DOCK3: variants seen among roughly 807,000 people sequenced by gnomAD.
DOCK3 encodes the protein dedicator of cytokinesis protein 3.
A neutral mutation model predicts 265.6 loss-of-function variants in DOCK3; 60 were observed. That is an observed-to-expected ratio of 0.23 (90% CI 0.18 to 0.28). DOCK3 has a LOEUF of 0.28. Ranked by LOEUF, DOCK3 falls within the 10% of genes least tolerant of loss-of-function variation. The pLI is 1.00. For missense variants in DOCK3, 1,981 were observed against 2,594.3 expected (o/e 0.76, Z 5.14); for synonymous variants, 881 against 938.0 (o/e 0.94, Z 1.11).
chr3:51,247,758 G>A (rs1172350354), intron 22 of DOCK3, among the ~76,000 whole-genome samples: 2 of 152,144 alleles, frequency 1.3e-5, no homozygotes, highest in African/African-American at 4.8e-5. Context: ...AAGATGCAAC[G>A]ATGAATAAGA....
intron 5 of DOCK3, among the ~76,000 whole-genome samples, chr3:51,057,789 C>G (rs2081259323): frequency 6.6e-6 from 1 of 152,154 alleles, no homozygotes; most frequent in African/African-American, 2.4e-5. Context: ...AAATTAACAC[C>G]ACATTGGTTA....
At chr3:50,768,996 T>G (rs1306290411) in intron 1 of DOCK3, among the ~76,000 whole-genome samples, 1 of 152,200 alleles carries the variant, frequency 6.6e-6, no homozygotes, top group Admixed American at 6.5e-5. Flanking sequence ...ATTTCTCTGA[T>G]GATTAATGAT....
intron 9 of DOCK3, among the ~76,000 whole-genome samples, chr3:51,112,315 A>T (rs756183656): frequency 6.6e-6 from 1 of 152,208 alleles, no homozygotes; most frequent in Non-Finnish European, 1.5e-5. Flanking sequence ...AGAAAAAATT[A>T]TAAGTAAAAA....
chr3:51,102,563 C>T (rs1391310867), intron 9 of DOCK3, among the ~76,000 whole-genome samples: 2 of 152,180 alleles, frequency 1.3e-5, no homozygotes, highest in Non-Finnish European at 2.9e-5. Context: ...TATATGTATA[C>T]TTGCTGTCCA....
chr3:51,186,745 A>G (rs4927972), intron 12 of DOCK3, among the ~76,000 whole-genome samples: 138,878 of 152,276 alleles, frequency 0.91, 63,476 homozygotes, highest in African/African-American at 0.96. Context: ...GGCCAATGTA[A>G]ACCTTGGGCC....
At chr3:50,826,156 C>T (rs2044743133) in intron 2 of DOCK3, among the ~76,000 whole-genome samples, 1 of 151,664 alleles carries the variant, frequency 6.6e-6, no homozygotes, top group Non-Finnish European at 1.5e-5. Context: ...TTTGGGGCCC[C>T]TTTTGTAAGT....
At chr3:50,707,088 G>C (rs1436946523) in intron 1 of DOCK3, among the ~76,000 whole-genome samples, 1 of 152,074 alleles carries the variant, frequency 6.6e-6, no homozygotes, top group Non-Finnish European at 1.5e-5. Context: ...GCCTGCTCTG[G>C]CTTTGCCTTC....
intron 51 of DOCK3, among the ~76,000 whole-genome samples, chr3:51,376,379 C>A (rs535984635): frequency 2.0e-5 from 3 of 152,308 alleles, no homozygotes; most frequent in Admixed American, 2.0e-4. Flanking sequence ...GCTGTGAATC[C>A]ATCTTTTATT....
chr3:51,319,608 G>A (rs914801102), intron 32 of DOCK3, among the ~76,000 whole-genome samples: 6 of 152,040 alleles, frequency 3.9e-5, no homozygotes, highest in East Asian at 1.9e-4. Context: ...GGCTCACACC[G>A]GTAATCCCAG....
intron 13 of DOCK3, 61 bp downstream of exon 13, chr3:51,208,923 A>T: frequency 1.2e-5 from 18 of 1,490,552 alleles, no homozygotes; most frequent in Non-Finnish European, 1.7e-5. Flanking sequence ...CTCATACAGC[A>T]CTTAGATTGG....
intron 15 of DOCK3, among the ~76,000 whole-genome samples, chr3:51,227,043 C>T (rs1379679301): frequency 1.3e-5 from 2 of 152,208 alleles, no homozygotes; most frequent in East Asian, 3.9e-4. Flanking sequence ...TTGAGGAGTA[C>T]ATGTGGTTAC....
At chr3:51,134,304 A>T (rs2084698104) in intron 9 of DOCK3, among the ~76,000 whole-genome samples, 1 of 152,108 alleles carries the variant, frequency 6.6e-6, no homozygotes, top group Non-Finnish European at 1.5e-5. Context: ...CCAGCAATGG[A>T]TTGCTGGGTG....
chr3:50,751,888 T>C (rs1291113236), intron 1 of DOCK3, among the ~76,000 whole-genome samples: 1 of 151,944 alleles, frequency 6.6e-6, no homozygotes, highest in Non-Finnish European at 1.5e-5. Context: ...GGGGAGGAGC[T>C]TCTTATAAAA....
At chr3:51,005,404 A>G (rs1011272216) in intron 5 of DOCK3, among the ~76,000 whole-genome samples, 6 of 152,112 alleles carry the variant, frequency 3.9e-5, no homozygotes, top group African/African-American at 7.2e-5. Context: ...CGCCATTATC[A>G]CCATTGACTT....
intron 5 of DOCK3, among the ~76,000 whole-genome samples, chr3:50,989,637 G>T (rs1260779771): frequency 6.8e-6 from 1 of 146,344 alleles, no homozygotes; most frequent in Non-Finnish European, 1.5e-5. Context: ...AAAACATCCA[G>T]AAAAGTCTAT....
intron 5 of DOCK3, among the ~76,000 whole-genome samples, chr3:50,986,480 C>T (rs1399722983): frequency 6.6e-6 from 1 of 152,334 alleles, no homozygotes; most frequent in South Asian, 2.1e-4. Flanking sequence ...ATCCCATACT[C>T]TATTCCTACC....
chr3:50,867,237 G>C (rs1189514507), intron 3 of DOCK3, among the ~76,000 whole-genome samples: 1 of 151,990 alleles, frequency 6.6e-6, no homozygotes, highest in Non-Finnish European at 1.5e-5. Flanking sequence ...GTTCATTGTT[G>C]GCATATAGAA....
At chr3:51,032,560 T>C (rs905778230) in intron 5 of DOCK3, among the ~76,000 whole-genome samples, 2 of 152,216 alleles carry the variant, frequency 1.3e-5, no homozygotes, top group African/African-American at 4.8e-5. Context: ...TGTTCCTATA[T>C]AAGGAGACTT....
chr3:51,293,662 A>T (rs1272667837), intron 27 of DOCK3, among the ~76,000 whole-genome samples: 2 of 152,180 alleles, frequency 1.3e-5, no homozygotes, highest in Non-Finnish European at 2.9e-5. Context: ...AAACAATAGA[A>T]TGAAGAGAAC....
Sources: gnomAD v4.1 joint callset for allele counts (sites outside exome capture counted in the v4.1 genomes callset) on GRCh38, gnomAD v4.1.1 for gene constraint, MANE v1.5 for transcripts, NCBI Gene and HGNC (gene_info 2026-07-23, HGNC 2026-07-21) for gene names.